The following MAD1L1 variants were observed in gnomAD, a reference collection of about 807,000 sequenced individuals.
MAD1L1 encodes the protein mitotic spindle assembly checkpoint protein MAD1.
In MAD1L1, 95 loss-of-function variants were observed where a neutral mutation model predicts 96.9. The observed-to-expected ratio is 0.98, with a 90% CI of 0.83 to 1.16. The LOEUF is 1.16. Ranked by LOEUF, MAD1L1 falls within the 50% of genes most tolerant of loss-of-function variation. MAD1L1 has a pLI of 0.00. For synonymous variants in MAD1L1, 473 were observed against 396.6 expected (o/e 1.19, Z -2.29); for missense variants, 1,007 against 954.4 (o/e 1.06, Z -0.73).
intron 14 of MAD1L1, among the ~76,000 whole-genome samples, chr7:1,987,294 G>T (rs1039809860): frequency 2.0e-5 from 3 of 152,220 alleles, no homozygotes; most frequent in African/African-American, 7.2e-5. Flanking sequence ...GGGCCCCATT[G>T]CCAGCACAGA....
intron 4 of MAD1L1, among the ~76,000 whole-genome samples, 161 bp downstream of exon 4, chr7:2,225,236 GCCCCCTTGCTCCC>G: frequency 2.6e-5 from 1 of 39,116 alleles, no homozygotes; most frequent in Non-Finnish European, 8.9e-5. Flanking sequence ...ACCGTGCACA[GCCCCCTTGCTCCC>G]AGGGACTGGG....
intron 11 of MAD1L1, among the ~76,000 whole-genome samples, chr7:2,137,030 A>G (rs1288559018): frequency 6.6e-6 from 1 of 152,186 alleles, no homozygotes; most frequent in Non-Finnish European, 1.5e-5. Context: ...ACCCCACCTC[A>G]GTCTCCCCAG....
At chr7:2,208,156 T>C (rs1299061763) in intron 10 of MAD1L1, among the ~76,000 whole-genome samples, 3 of 152,214 alleles carry the variant, frequency 2.0e-5, no homozygotes, top group African/African-American at 7.2e-5. Flanking sequence ...TTTTCTTATA[T>C]GCATTCCTAA....
chr7:2,187,985 G>A (rs1158279063), intron 10 of MAD1L1, among the ~76,000 whole-genome samples: 1 of 152,200 alleles, frequency 6.6e-6, no homozygotes, highest in African/African-American at 2.4e-5. Context: ...CCACAAGCTT[G>A]ATGGATTCCT....
At chr7:2,177,209 C>T (rs1265388206) in intron 10 of MAD1L1, among the ~76,000 whole-genome samples, 1 of 152,210 alleles carries the variant, frequency 6.6e-6, no homozygotes, top group East Asian at 1.9e-4. Context: ...CATAGTGTTA[C>T]AGCCACAATT....
At chr7:1,936,334 G>A (rs1054205252) in intron 17 of MAD1L1, among the ~76,000 whole-genome samples, 1 of 152,262 alleles carries the variant, frequency 6.6e-6, no homozygotes. Context: ...ACTTAAGCTG[G>A]TGAGAGATGG....
intron 11 of MAD1L1, among the ~76,000 whole-genome samples, chr7:2,132,484 C>T (rs1446136077): frequency 1.3e-5 from 2 of 151,742 alleles, no homozygotes; most frequent in African/African-American, 2.4e-5. Flanking sequence ...CGTGCGACTG[C>T]GTGTCCACCA....
intron 5 of MAD1L1, chr7:2,220,962 C>T: frequency 6.2e-7 from 1 of 1,612,498 alleles, no homozygotes; most frequent in Non-Finnish European, 8.5e-7. Context: ...GGACGCCGGA[C>T]AGTTGGCAAG....
chr7:2,020,288 G>A (rs2128501025), intron 12 of MAD1L1, among the ~76,000 whole-genome samples: 1 of 152,298 alleles, frequency 6.6e-6, no homozygotes, highest in South Asian at 2.1e-4. Flanking sequence ...TGGGCTGCCG[G>A]AAGGAGGAAC....
chr7:1,981,478 A>G (rs1475913013), intron 14 of MAD1L1, among the ~76,000 whole-genome samples: 1 of 152,044 alleles, frequency 6.6e-6, no homozygotes, highest in Non-Finnish European at 1.5e-5. Flanking sequence ...CCACCCAGAG[A>G]CGCCCCTCAC....
intron 13 of MAD1L1, among the ~76,000 whole-genome samples, chr7:2,011,354 C>T (rs530121111): frequency 8.7e-4 from 132 of 152,350 alleles, no homozygotes; most frequent in African/African-American, 3.1e-3. Flanking sequence ...TTCCCTGGAG[C>T]ATAGCACTCC....
At chr7:2,139,369 A>C (rs1295652562) in intron 11 of MAD1L1, among the ~76,000 whole-genome samples, 1 of 144,712 alleles carries the variant, frequency 6.9e-6, no homozygotes. Flanking sequence ...CCAAGGCGGG[A>C]GCGCTGCGGG....
chr7:1,886,886 G>A (rs1345626611), intron 18 of MAD1L1, among the ~76,000 whole-genome samples: 1 of 152,274 alleles, frequency 6.6e-6, no homozygotes, highest in Non-Finnish European at 1.5e-5. Context: ...GGGGACAGTT[G>A]GGGTGTGCAG....
intron 17 of MAD1L1, among the ~76,000 whole-genome samples, chr7:1,914,676 C>A (rs1442548491): frequency 6.6e-6 from 1 of 152,184 alleles, no homozygotes. Context: ...AACAGGGGTG[C>A]GATCACAGCT....
At chr7:1,842,473 A>G (rs1336189115) in intron 18 of MAD1L1, among the ~76,000 whole-genome samples, 1 of 152,248 alleles carries the variant, frequency 6.6e-6, no homozygotes, top group African/African-American at 2.4e-5. Context: ...AGGTTCTCCC[A>G]GTCCACAGGC....
Position 1,816,096 on chromosome 7 carries a change from G to A in MAD1L1, c.2131C>T (p.Leu711Phe), listed in dbSNP as rs760799311. 3.1e-6 allele frequency: 5 copies of A among 1,612,040 alleles called. No homozygotes were observed. The highest frequency in any genetic ancestry group is 2.2e-5 in the East Asian group (1 of 44,872). Reference protein sequence around the residue: ...PAFLSSLTLELFSRQTVA With the variant: ...PAFLSSLTLEFFSRQTVA ...TACGCCACGGTCTGGCGGCTGAAGA[G>A]CTCGAGGGTGAGCGAGCTGAGGAAG... The change falls in exon 19 of 19, where the codon CTC (leucine) becomes TTC (phenylalanine). Residue 711 changes from leucine to phenylalanine, a missense_variant. Leu to Phe is a conservative substitution (Grantham distance 22). Transcript: ENST00000265854.
chr7:1,901,231 G>C (rs116526043), intron 17 of MAD1L1, among the ~76,000 whole-genome samples: 2,490 of 152,278 alleles, frequency 0.016, 62 homozygotes, highest in African/African-American at 0.058. Flanking sequence ...TTACATCAAC[G>C]TGAATGAATA....
chr7:1,821,090 A>G (rs1782100862), intron 18 of MAD1L1, among the ~76,000 whole-genome samples: 1 of 127,372 alleles, frequency 7.9e-6, no homozygotes, highest in Admixed American at 8.0e-5. Context: ...CAAAAAAAAA[A>G]AAAGGGGGGG....
intron 18 of MAD1L1, among the ~76,000 whole-genome samples, chr7:1,876,486 A>T (rs942168738): frequency 3.3e-5 from 5 of 151,932 alleles, no homozygotes; most frequent in African/African-American, 1.2e-4. Context: ...CCCTTCAGAG[A>T]CACATGCTAC....
Sources: allele counts gnomAD v4.1 joint callset (sites outside exome capture counted in the v4.1 genomes callset), GRCh38; gene constraint gnomAD v4.1.1; transcripts MANE v1.5; gene names NCBI Gene and HGNC (gene_info 2026-07-23, HGNC 2026-07-21).